Variants in ST8SIA5 observed in about 807,000 individuals in gnomAD.
ST8SIA5 encodes the protein ST8 alpha-N-acetyl-neuraminide alpha-2,8-sialyltransferase 5.
A neutral mutation model predicts 40.2 loss-of-function variants in ST8SIA5; 24 were observed. The observed-to-expected ratio is 0.60, with a 90% CI of 0.43 to 0.84. The LOEUF (loss-of-function observed/expected upper bound fraction) is 0.84. ST8SIA5 is among the 40% of genes least tolerant of loss of function. ST8SIA5 has a pLI of 0.00. For missense variants in ST8SIA5, 465 were observed against 498.5 expected (o/e 0.93, Z 0.64); for synonymous variants, 198 against 201.8 (o/e 0.98, Z 0.16).
At chr18:46,715,222 G>A (rs1183666985) in intron 1 of ST8SIA5, among the ~76,000 whole-genome samples, 1 of 152,330 alleles carries the variant, frequency 6.6e-6, no homozygotes, top group East Asian at 1.9e-4. Context: ...GACCCGGAAG[G>A]CTGAAGTGAG....
rs756348409 is a variant in ST8SIA5 at position 46,688,755 on chromosome 18, GC to G, written c.456+19del. The stretch of plus-strand genomic sequence containing the variant: ...TTGGCTCCCTCGCCCCACCCAGACC[GC>G]CCCCGCCCAAAGCAGCACCTTGGGA... On this transcript the variant is annotated intron_variant, in intron 4 of 6. Transcript: ENST00000315087. 2.5e-6 allele frequency: 4 copies of G among 1,594,326 alleles called. No individual in the cohort carries two copies. Among genetic ancestry groups the G allele is most frequent in the Non-Finnish European group, 3.4e-6 (4 of 1,169,586 alleles).
chr18:46,719,682 T>TCTTTC (rs138438614), intron 1 of ST8SIA5, among the ~76,000 whole-genome samples: 1 of 107,064 alleles, frequency 9.3e-6, no homozygotes, highest in African/African-American at 3.4e-5. Context: ...TTCTTTTCTT[T>TCTTTC]TTTCTTTCTT....
chr18:46,717,537 C>T (rs565300075), intron 1 of ST8SIA5, among the ~76,000 whole-genome samples: 3 of 152,044 alleles, frequency 2.0e-5, no homozygotes, highest in South Asian at 4.2e-4. Flanking sequence ...GCTTCTCCAC[C>T]CTCTCTACTT....
chr18:46,727,109 GT>G (rs1322268209), intron 1 of ST8SIA5, among the ~76,000 whole-genome samples: 1 of 152,198 alleles, frequency 6.6e-6, no homozygotes, highest in East Asian at 1.9e-4. Context: ...TAAGAATTAT[GT>G]AAACTGATTT....
intron 2 of ST8SIA5, among the ~76,000 whole-genome samples, chr18:46,697,311 C>A (rs1167904777): frequency 6.6e-6 from 1 of 151,954 alleles, no homozygotes; most frequent in African/African-American, 2.4e-5. Context: ...GATAACCCAT[C>A]AGATAAAATG....
At chr18:46,736,608 C>T (rs991073441) in intron 1 of ST8SIA5, among the ~76,000 whole-genome samples, 8 of 152,036 alleles carry the variant, frequency 5.3e-5, no homozygotes, top group African/African-American at 1.7e-4. Context: ...GGTTTATTTC[C>T]AAGAAATGGC....
chr18:46,680,381 C>T lies in ST8SIA5; in HGVS notation c.792G>A (p.Val264=). ...NTDVSIRVKY[V]LDDFESPQAV... ...CTTGCGGCGATTCGAAGTCGTCCAG[C>T]ACGTACTTGACGCGGATGGACACGT... The change falls in exon 7 of 7, where the codon GTG becomes GTA. Residue 264 remains valine (V), a synonymous_variant. Transcript: ENST00000315087. The T allele has an allele frequency of 6.2e-7, 1 of 1,614,058 alleles. No individual in the cohort carries two copies. The highest frequency in any genetic ancestry group is 1.1e-5 in the South Asian group (1 of 91,072).
rs2039322219 is a variant in ST8SIA5 at position 46,673,640 on chromosome 18, C to A, written c.*6402G>T. The A allele has an allele frequency of 6.6e-6, 1 of 152,082 alleles. No homozygotes were observed. The highest frequency in any genetic ancestry group is 6.5e-5 in the Admixed American group (1 of 15,278). 9.4% of individuals were successfully genotyped at this position (152,082 alleles called of 1,614,324 possible). ...CCATCCTACAGGGCATCCTAATAAACCCATGTGATCTTCAAAGGGTAGACT... is the reference window on the plus strand; with the variant it reads ...CCATCCTACAGGGCATCCTAATAAAACCATGTGATCTTCAAAGGGTAGACT... On this transcript the variant is annotated 3_prime_UTR_variant, in exon 7 of 7. Coordinates refer to ENST00000315087, the MANE Select transcript of ST8SIA5 (RefSeq NM_013305.6).
At chr18:46,725,439 T>A (rs921779973) in intron 1 of ST8SIA5, among the ~76,000 whole-genome samples, 3 of 152,144 alleles carry the variant, frequency 2.0e-5, no homozygotes, top group African/African-American at 7.2e-5. Context: ...AGACCCCATG[T>A]CCCTTCACAT....
intron 1 of ST8SIA5, 21 bp from the exon 2 acceptor site, chr18:46,704,685 G>T: frequency 6.2e-7 from 1 of 1,603,598 alleles, no homozygotes; most frequent in Non-Finnish European, 8.5e-7. Flanking sequence ...ACAGAGACAG[G>T]TTAAACAGAG....
chr18:46,721,026 C>T (rs1397516839), intron 1 of ST8SIA5, among the ~76,000 whole-genome samples: 1 of 152,134 alleles, frequency 6.6e-6, no homozygotes, highest in Non-Finnish European at 1.5e-5. Context: ...CACCTACACA[C>T]ACTTGCTGGC....
chr18:46,750,727 C>G (rs1473021177), intron 1 of ST8SIA5, among the ~76,000 whole-genome samples: 1 of 152,174 alleles, frequency 6.6e-6, no homozygotes, highest in Non-Finnish European at 1.5e-5. Flanking sequence ...CCCTCCACCT[C>G]TCTCCAGCCT....
intron 1 of ST8SIA5, among the ~76,000 whole-genome samples, chr18:46,726,000 TATATATATATCCTGG>T (rs1330157822): frequency 5.6e-3 from 395 of 70,596 alleles, no homozygotes; most frequent in Non-Finnish European, 8.3e-3. Context: ...TATATATATA[TATATATATATCCTGG>T]ATATATATAT....
At chr18:46,714,116 G>A (rs957397125) in intron 1 of ST8SIA5, among the ~76,000 whole-genome samples, 2 of 152,138 alleles carry the variant, frequency 1.3e-5, no homozygotes, top group Non-Finnish European at 2.9e-5. Context: ...CAGGAGGCTC[G>A]CATGGGGAAG....
chr18:46,712,126 T>C (rs944114374), intron 1 of ST8SIA5, among the ~76,000 whole-genome samples: 1 of 152,146 alleles, frequency 6.6e-6, no homozygotes, highest in Non-Finnish European at 1.5e-5. Context: ...GTTTAACATA[T>C]TCCCTGTGAG....
intron 1 of ST8SIA5, 89 bp downstream of exon 1, chr18:46,756,289 G>T (rs2040244797): frequency 1.0e-5 from 16 of 1,549,192 alleles, no homozygotes; most frequent in Non-Finnish European, 1.4e-5. Context: ...TCACCCCGGG[G>T]CGCTGCGACC....
intron 1 of ST8SIA5, among the ~76,000 whole-genome samples, chr18:46,746,243 AG>A (rs1168573753): frequency 6.6e-6 from 1 of 152,206 alleles, no homozygotes; most frequent in Non-Finnish European, 1.5e-5. Flanking sequence ...AAAGAAATAA[AG>A]GGTATTCAAT....
intron 1 of ST8SIA5, 93 bp from the exon 2 acceptor site, chr18:46,704,757 A>C (rs1599117128): frequency 2.8e-6 from 3 of 1,085,962 alleles, no homozygotes; most frequent in Non-Finnish European, 4.2e-6. Flanking sequence ...TGTCTGTCCC[A>C]GTGAAATAAA....
In ST8SIA5 at chr18:46,680,453, C is replaced by T; in HGVS notation, c.720G>A (p.Glu240=). 1 of 1,609,120 alleles carries T rather than the reference C, an allele frequency of 6.2e-7. No individual in the cohort carries two copies. The highest frequency in any genetic ancestry group is 1.1e-5 in the South Asian group (1 of 90,430). ...AGGCAGGCAGCAGCACCGACGCGTTCTCGTACACCTGCAGCACGCGATAGA... is the reference window on the plus strand; with the variant it reads ...AGGCAGGCAGCAGCACCGACGCGTTTTCGTACACCTGCAGCACGCGATAGA... ...RPFYRVLQVY[E]NASVLLPAFY... is the part of the protein sequence containing the mutation. The change falls in exon 7 of 7, where the codon GAG becomes GAA. Residue 240 remains glutamate (E), a synonymous_variant. Coordinates refer to ENST00000315087, the MANE Select transcript of ST8SIA5 (RefSeq NM_013305.6).
Sources: gnomAD v4.1 joint callset for allele counts (sites outside exome capture counted in the v4.1 genomes callset) on GRCh38, gnomAD v4.1.1 for gene constraint, MANE v1.5 for transcripts, NCBI Gene and HGNC (gene_info 2026-07-23, HGNC 2026-07-21) for gene names.